The following RNF213 variants were observed in gnomAD, a reference collection of about 807,000 sequenced individuals.
RNF213 encodes ring finger protein 213, also known as E3 ubiquitin-protein ligase RNF213.
In RNF213, 341 loss-of-function variants were observed where a neutral mutation model predicts 514.4. That is an observed-to-expected ratio of 0.66 (90% CI 0.61 to 0.73). The LOEUF is 0.73. RNF213 is among the 30% of genes least tolerant of loss of function. The pLI is 0.00. For missense variants in RNF213, 5,767 were observed against 6,615.6 expected, an observed-to-expected ratio of 0.87 and a Z score of 4.45; for synonymous variants, 2,655 against 2,658.2, an observed-to-expected ratio of 1.00 and a Z score of 0.04.
chr17:80,384,800 G>C (rs11653704), intron 59 of RNF213: 66 of 553,100 alleles, frequency 1.2e-4, no homozygotes, highest in Admixed American at 2.8e-4. Flanking sequence ...CGGCTGATGC[G>C]TCAGCTCCAT....
At chr17:80,372,176 A>G (rs1463600117) in intron 47 of RNF213, among the ~76,000 whole-genome samples, 191 bp downstream of exon 47, 1 of 152,270 alleles carries the variant, frequency 6.6e-6, no homozygotes, top group Non-Finnish European at 1.5e-5. Context: ...GCATATACAT[A>G]CAAAACAGAA....
At chr17:80,284,137 A>ATCACCTGAGG (rs2044391025) in intron 3 of RNF213, among the ~76,000 whole-genome samples, 1 of 152,162 alleles carries the variant, frequency 6.6e-6, no homozygotes, top group East Asian at 1.9e-4. Flanking sequence ...AGGCGGGTGG[A>ATCACCTGAGG]TCACCTGAGG....
At chr17:80,369,193 G>C (rs1181153073) in intron 44 of RNF213, among the ~76,000 whole-genome samples, 1 of 152,042 alleles carries the variant, frequency 6.6e-6, no homozygotes, top group Non-Finnish European at 1.5e-5. Flanking sequence ...GAGGTCAGCA[G>C]TTCGAAACCA....
chr17:80,363,575 C>T (rs757812370), intron 40 of RNF213, 34 bp from the exon 41 acceptor site: 3 of 1,609,854 alleles, frequency 1.9e-6, no homozygotes, highest in African/African-American at 1.3e-5. Flanking sequence ...GGGAGGGGCA[C>T]CGCTCAGCCA....
Position 80,364,459 on chromosome 17 carries a change from C to T in RNF213, c.11777C>T (p.Thr3926Ile), listed in dbSNP as rs373161624. ...GCCCAGTGGAGTCGGATTTTCTCCA[C>T]CGCACTCTTCGTGGAGCACGTGCTC... Reference protein sequence around the residue: ...VRAQWSRIFSTALFVEHVLLG... With the variant: ...VRAQWSRIFSIALFVEHVLLG... The change falls in exon 42 of 68, where the codon ACC becomes ATC. Residue 3926 changes from threonine to isoleucine, a missense_variant. Around this residue, in one of 13 missense-constraint regions of RNF213, gnomAD observed 355 missense variants for 358.0 expected, o/e 0.99. Coordinates refer to ENST00000582970, the MANE Select transcript of RNF213 (RefSeq NM_001256071.3). The T allele has an allele frequency of 5.9e-5, 95 of 1,614,074 alleles. 1 individual carries two copies. The highest frequency in any genetic ancestry group is 7.7e-5 in the Non-Finnish European group (91 of 1,180,032).
intron 6 of RNF213, 129 bp from the exon 7 acceptor site, chr17:80,290,441 A>ATG (rs528062047): frequency 1.6e-5 from 17 of 1,093,336 alleles, no homozygotes; most frequent in Admixed American, 1.1e-4. Context: ...GCGTGTGTGC[A>ATG]TGTGTGTGTG....
intron 13 of RNF213, 65 bp downstream of exon 13, chr17:80,307,266 T>G: frequency 7.0e-7 from 1 of 1,424,420 alleles, no homozygotes; most frequent in Non-Finnish European, 9.9e-7. Context: ...CTCTGACCCC[T>G]ATAATTGGCC....
chr17:80,352,984 C>T lies in RNF213; in HGVS notation c.10348C>T (p.Leu3450Phe). The change falls in exon 33 of 68, where the codon CTC becomes TTC. Residue 3450 changes from leucine (L) to phenylalanine (F), a missense_variant. Leu to Phe is a conservative substitution (Grantham distance 22, BLOSUM62 0). Transcript: ENST00000582970. The part of the protein sequence containing the change: ...VHIDDLRRST[L>F]MVSDVTRLQH... The stretch of plus-strand genomic sequence containing the variant: ...CATCGATGACCTCCGGAGATCCACC[C>T]TCATGGTTTCTGATGTGACCAGGCT... The T allele has an allele frequency of 6.2e-7, 1 of 1,614,016 alleles. No homozygotes were observed. The highest frequency in any genetic ancestry group is 8.5e-7 in the Non-Finnish European group (1 of 1,180,048).
chr17:80,288,539 C>A lies in RNF213; in HGVS notation c.811-94C>A. 1 of 1,611,766 alleles carries A rather than the reference C, an allele frequency of 6.2e-7. No homozygotes were observed. Among genetic ancestry groups the A allele is most frequent in the Non-Finnish European group, 8.5e-7 (1 of 1,179,072 alleles). On this transcript the variant is annotated intron_variant, in intron 4 of 67. Transcript: ENST00000582970. The surrounding 1 kb of genome is among the most constrained non-coding windows in gnomAD (Gnocchi z 4.9). ...CTGGGGATGCCAGCCCACCCTGTCC[C>A]TCGGCTTGTGGCAGATGCTGCCCCT...
chr17:80,338,563 C>A (rs1047672163), intron 25 of RNF213, among the ~76,000 whole-genome samples: 6 of 151,622 alleles, frequency 4.0e-5, no homozygotes, highest in Non-Finnish European at 1.5e-5. Context: ...GTGGAAGGCT[C>A]ATTTTAGCCC....
rs1599236221 is a variant in RNF213, at chr17:80,395,995, A to C, written c.*2497A>C. The C allele has an allele frequency of 6.6e-6, 1 of 151,660 alleles. No individual in the cohort carries two copies. Among genetic ancestry groups the C allele is most frequent in the Non-Finnish European group, 1.5e-5 (1 of 67,902 alleles). 9.4% of individuals were successfully genotyped at this position (151,660 alleles called of 1,614,324 possible). A position where few individuals can be genotyped will look rare whatever the true frequency, so the allele number is the denominator to read the frequency against. On this transcript the variant is annotated 3_prime_UTR_variant, in exon 68 of 68. Transcript: ENST00000582970. ...TTTATTCATCCTCACTCCCACTCATACCCGCCTCCCTGGACAGTTCCCTGC... is the reference window on the plus strand; with the variant it reads ...TTTATTCATCCTCACTCCCACTCATCCCCGCCTCCCTGGACAGTTCCCTGC...
At position 80,348,103 on chromosome 17, in the gene RNF213, G is replaced by A. The variant is rs556455090; in HGVS notation, c.9768G>A (p.Ser3256=). 2.4e-5 allele frequency: 39 copies of A among 1,614,132 alleles called. No individual in the cohort carries two copies. The highest frequency in any genetic ancestry group is 1.5e-4 in the African/African-American group (11 of 75,068). The part of the protein sequence containing the change: ...LHQKVSEEAK[S]ILLNCATPDA... ...AGAAGGTGTCTGAGGAGGCCAAATC[G>A]ATCCTGCTGAACTGCGCTACGCCCG... Residue 3256 remains serine, a synonymous_variant, in exon 29 of 68, where the codon TCG becomes TCA. Coordinates refer to ENST00000582970, the MANE Select transcript of RNF213 (RefSeq NM_001256071.3).
chr17:80,388,105 A>G (rs2144652208), intron 63 of RNF213, among the ~76,000 whole-genome samples: 1 of 152,140 alleles, frequency 6.6e-6, no homozygotes, highest in Non-Finnish European at 1.5e-5. Context: ...CTGGGACTAC[A>G]GGCGCCCGCC....
At chr17:80,356,007 C>CTTT (rs71365599) in intron 36 of RNF213, among the ~76,000 whole-genome samples, 3 of 147,484 alleles carry the variant, frequency 2.0e-5, no homozygotes, top group African/African-American at 7.5e-5. Flanking sequence ...TCTCTTGATG[C>CTTT]TTTTTTTTTT....
At position 80,290,432 on chromosome 17, in the gene RNF213, CGTGTGTGCATGT is replaced by C. The variant is rs1011606265; in HGVS notation, c.1113-129_1113-118del. ...GTGTGTGCGTGTGTGCGAGTGTGCG[CGTGTGTGCATGT>C]GTGTGTGCGAGTGCATGTGTGTGTG... On this transcript the variant is annotated intron_variant, in intron 6 of 67. Transcript: ENST00000582970. 5 of 996,878 alleles carry C rather than the reference CGTGTGTGCATGT, an allele frequency of 5.0e-6. No individual in the cohort carries two copies. In the African/African-American group the frequency reaches 8.1e-5, roughly 16 times the overall value. The allele number at this position is 996,878 out of a possible 1,614,324, so 61.8% of individuals were successfully genotyped here.
Position 80,379,807 on chromosome 17 carries a change from A to G in RNF213, c.13640+93A>G, listed in dbSNP as rs974738372. 3 of 1,012,618 alleles carry G rather than the reference A, an allele frequency of 3.0e-6. No individual in the cohort carries two copies. The African/African-American group carries it at 4.7e-5, about 16-fold the overall frequency. 62.7% of individuals were successfully genotyped at this position (1,012,618 alleles called of 1,614,324 possible). ...CTGATAAAGTGATACTCAAGATAGT[A>G]CTAATTACTCCAGTACATGTGGGCC... On this transcript the variant is annotated intron_variant, in intron 55 of 67. Transcript: ENST00000582970.
At position 80,288,532 on chromosome 17, in the gene RNF213, CCT is replaced by C; in HGVS notation, c.811-100_811-99del. 1 of 1,610,306 alleles carries C rather than the reference CCT, an allele frequency of 6.2e-7. No homozygotes were observed. Among genetic ancestry groups the C allele is most frequent in the Non-Finnish European group, 8.5e-7 (1 of 1,178,020 alleles). ...CCCTCCACTGGGGATGCCAGCCCAC[CCT>C]GTCCCTCGGCTTGTGGCAGATGCTG... On this transcript the variant is annotated intron_variant, in intron 4 of 67. Coordinates refer to ENST00000582970, the MANE Select transcript of RNF213 (RefSeq NM_001256071.3). The surrounding 1 kb of genome is among the most constrained non-coding windows in gnomAD (Gnocchi z 4.9).
chr17:80,273,437 C>T (rs780660287), intron 3 of RNF213, 33 bp downstream of exon 3: 95 of 1,609,156 alleles, frequency 5.9e-5, no homozygotes, highest in East Asian at 2.0e-4. Context: ...CCTCCGCCCC[C>T]GCTCACTCTG....
Position 80,394,972 on chromosome 17 carries a change from C to T in RNF213, c.*1474C>T, listed in dbSNP as rs2080620310. ...CCGGGGGCTGGCTTGCTGAAGTCTT[C>T]AACTTGCACTCGGAGCTCCTTTGAT... On this transcript the variant is annotated 3_prime_UTR_variant, in exon 68 of 68. Transcript: ENST00000582970. 1 of 152,222 alleles carries T rather than the reference C, an allele frequency of 6.6e-6. No homozygotes were observed. Among genetic ancestry groups the T allele is most frequent in the African/African-American group, 2.4e-5 (1 of 41,406 alleles). 9.4% of individuals were successfully genotyped at this position (152,222 alleles called of 1,614,324 possible). A position where few individuals can be genotyped will look rare whatever the true frequency, so the allele number is the denominator to read the frequency against.
Sources: gnomAD v4.1 joint callset for allele counts (sites outside exome capture counted in the v4.1 genomes callset) on GRCh38, gnomAD v4.1.1 for gene constraint, gnomAD v4.1.1 regional missense constraint, Gnocchi (gnomAD v3.1) non-coding constraint, MANE v1.5 for transcripts, NCBI Gene and HGNC (gene_info 2026-07-23, HGNC 2026-07-21) for gene names.